ZNF467: variants seen among roughly 807,000 people sequenced by gnomAD.
The protein encoded by ZNF467 is zinc finger protein EZI.
A neutral mutation model predicts 47.8 loss-of-function variants in ZNF467; 51 were observed. The ratio of observed to expected loss-of-function variants is 1.07; its 90% CI spans 0.85 to 1.35. The LOEUF is 1.35. Among genes scored for constraint, ZNF467 ranks in the 40% most tolerant of loss-of-function variants. The pLI is 0.00. For synonymous variants in ZNF467, 416 were observed against 372.9 expected (o/e 1.12, Z -1.33); for missense variants, 992 against 858.1 (o/e 1.16, Z -1.95).
rs752954509 is a variant in ZNF467 at position 149,765,719 on chromosome 7, C to G, written c.783G>C (p.Ser261=). The G allele has an allele frequency of 1.2e-6, 2 of 1,613,396 alleles. No homozygotes were observed. The highest frequency in any genetic ancestry group is 1.7e-6 in the Non-Finnish European group (2 of 1,179,832). ...GCTCGCCGGTGTGGGTCTTTTGGTGCGAGCCCAGGTGGATCTTCTGGCTGA... is the reference window on the plus strand; with the variant it reads ...GCTCGCCGGTGTGGGTCTTTTGGTGGGAGCCCAGGTGGATCTTCTGGCTGA... The part of the protein sequence containing the change: ...KRFSQKIHLG[S]HQKTHTGERP... Residue 261 remains serine, a synonymous_variant, in exon 5 of 5, where the codon TCG becomes TCC. Coordinates refer to ENST00000302017, the MANE Select transcript of ZNF467 (RefSeq NM_207336.3).
upstream of ZNF467, chr7:149,775,967 T>C: frequency 1.7e-6 from 2 of 1,178,012 alleles, no homozygotes; most frequent in South Asian, 2.5e-5. Flanking sequence ...CTGGCCTCTC[T>C]GCCCTCTCTG....
Position 149,764,345 on chromosome 7 carries a change from A to C in ZNF467, c.*369T>G. The stretch of plus-strand genomic sequence containing the variant: ...AGTCAGGTGTTCCCTCCCCCAATTC[A>C]TTTAGCAGCCCCAGAACTTTCCGAT... On this transcript the variant is annotated 3_prime_UTR_variant, in exon 5 of 5. Transcript: ENST00000302017. The C allele has an allele frequency of 3.8e-6, 2 of 533,242 alleles. No homozygotes were observed. The highest frequency in any genetic ancestry group is 3.6e-5 in the Admixed American group (1 of 27,780). The allele number at this position is 533,242 out of a possible 1,614,324, so 33.0% of individuals were successfully genotyped here.
chr7:149,764,814 A>G lies in ZNF467; in HGVS notation c.1688T>C (p.Leu563Pro). Reference sequence around the variant, plus strand: ...CGCGTGGGCGGCTTCGCCGTGAATGAGCTGGTGCCGCACCAGGTGGGTCTT... The same window carrying G: ...CGCGTGGGCGGCTTCGCCGTGAATGGGCTGGTGCCGCACCAGGTGGGTCTT... ...SRKTHLVRHQ[L>P]IHGEAAHAAP... Residue 563 changes from leucine to proline, a missense_variant, in exon 5 of 5, where the codon CTC becomes CCC. Coordinates refer to ENST00000302017, the MANE Select transcript of ZNF467 (RefSeq NM_207336.3). The G allele has an allele frequency of 6.5e-7, 1 of 1,534,320 alleles. No homozygotes were observed. The highest frequency in any genetic ancestry group is 8.8e-7 in the Non-Finnish European group (1 of 1,141,480).
chr7:149,764,798 G>C lies in ZNF467; in HGVS notation c.1704C>G (p.Ala568=). 1.3e-6 allele frequency: 2 copies of C among 1,525,592 alleles called. No homozygotes were observed. Among genetic ancestry groups the C allele is most frequent in the African/African-American group, 1.4e-5 (1 of 71,964 alleles). The allele number at this position is 1,525,592 out of a possible 1,614,324, so 94.5% of individuals were successfully genotyped here. A position where few individuals can be genotyped will look rare whatever the true frequency, so the allele number is the denominator to read the frequency against. The change falls in exon 5 of 5, where the codon GCC becomes GCG. Residue 568 remains alanine (A), a synonymous_variant. Coordinates refer to ENST00000302017, the MANE Select transcript of ZNF467 (RefSeq NM_207336.3). ...GGGCGGCGTCCGGGGCCGCGTGGGC[G>C]GCTTCGCCGTGAATGAGCTGGTGCC... ...LVRHQLIHGE[A]AHAAPDAALA...
Position 149,764,871 on chromosome 7 carries a change from G to T in ZNF467, c.1631C>A (p.Ser544Tyr), listed in dbSNP as rs1446106431. ...GAAGCTCTTTCCGCACTGCGGGCAG[G>T]AGAAGGGGCGGGAGCCTGTGTGGAT... Reference protein sequence around the residue: ...QAIHTGSRPFSCPQCGKSFSR... With the variant: ...QAIHTGSRPFYCPQCGKSFSR... The change falls in exon 5 of 5, where the codon TCC becomes TAC. Residue 544 changes from serine (S) to tyrosine (Y), a missense_variant. Physicochemically the swap from Ser to Tyr is moderately radical, Grantham distance 144 (BLOSUM62 -2). Transcript: ENST00000302017. The T allele has an allele frequency of 3.9e-6, 6 of 1,556,910 alleles. No homozygotes were observed. The highest frequency in any genetic ancestry group is 5.2e-6 in the Non-Finnish European group (6 of 1,153,024).
rs761730803 is a variant in ZNF467 at position 149,771,047 on chromosome 7, G to C, written c.-15C>G. ...GTCTCTCTCATGGTAACCCAGAGTA[G>C]CTCCTCCTGGGGATCAGGCCACAGA... On this transcript the variant is annotated 5_prime_UTR_variant, in exon 2 of 5. Coordinates refer to ENST00000302017, the MANE Select transcript of ZNF467 (RefSeq NM_207336.3). The C allele has an allele frequency of 3.7e-6, 6 of 1,613,980 alleles. No homozygotes were observed. Among genetic ancestry groups the C allele is most frequent in the Non-Finnish European group, 5.1e-6 (6 of 1,179,934 alleles).
rs150435920 is a variant in ZNF467, at chr7:149,766,115, A to T, written c.387T>A (p.His129Gln). The change falls in exon 5 of 5, where the codon CAT becomes CAA. Residue 129 changes from histidine (H) to glutamine (Q), a missense_variant. His to Gln is a conservative substitution (Grantham distance 24). Transcript: ENST00000302017. ...GCTCCAGTTTGTACGCGGCAGCCAG[A>T]TGCCCCAGGTCAGGCGCGGGAAAGG... is the stretch of plus-strand genomic sequence containing the variant. ...PSPFPAPDLGHLAAAYKLEPG... is the reference protein window; with the variant it reads ...PSPFPAPDLGQLAAAYKLEPG... 283 of 1,608,542 alleles carry T rather than the reference A, an allele frequency of 1.8e-4. No homozygotes were observed. In the African/African-American group the frequency reaches 3.3e-3, roughly 19 times the overall value.
Position 149,765,903 on chromosome 7 carries a change from C to G in ZNF467, c.599G>C (p.Arg200Pro). 6.4e-7 allele frequency: 1 copy of G among 1,574,670 alleles called. No individual in the cohort carries two copies. Among genetic ancestry groups the G allele is most frequent in the East Asian group, 2.4e-5 (1 of 42,428 alleles). The change falls in exon 5 of 5, where the codon CGC (arginine) becomes CCC (proline). Residue 200 changes from arginine to proline, a missense_variant. Transcript: ENST00000302017. Reference protein sequence around the residue: ...CPDCGRSFTQRAHMLLHQRSH... With the variant: ...CPDCGRSFTQPAHMLLHQRSH... Reference sequence around the variant, plus strand: ...GCGCTGATGCAGTAGCATGTGGGCGCGCTGCGTGAAGCTGCGGCCGCAGTC... The same window carrying G: ...GCGCTGATGCAGTAGCATGTGGGCGGGCTGCGTGAAGCTGCGGCCGCAGTC...
At chr7:149,766,765 T>C (rs938721622) in intron 4 of ZNF467, among the ~76,000 whole-genome samples, 2 of 152,194 alleles carry the variant, frequency 1.3e-5, no homozygotes, top group Non-Finnish European at 2.9e-5. Context: ...AAACTTGATC[T>C]TTGACATCTC....
At chr7:149,770,889 C>T in intron 2 of ZNF467, 110 bp downstream of exon 2, 23 of 1,426,664 alleles carry the variant, frequency 1.6e-5, no homozygotes, top group Non-Finnish European at 2.3e-5. Flanking sequence ...CTACAGGCCC[C>T]TGGGGCCTCA....
upstream of ZNF467, chr7:149,776,176 C>CCCCCCCCCCCCCGGGTACAA: frequency 8.9e-7 from 1 of 1,122,778 alleles, no homozygotes; most frequent in Non-Finnish European, 1.2e-6. Context: ...AGACTCCGTG[C>CCCCCCCCCCCCCGGGTACAA]CCCCCACCCC....
In ZNF467 at chr7:149,765,499, A is replaced by T. The variant is rs765100411; in HGVS notation, c.1003T>A (p.Ser335Thr). Reference sequence around the variant, plus strand: ...GGGGCAGTGGAATGAGGAGAAGCGGACGAGTCGGGAGAGGGCCTGGCCGGG... The same window carrying T: ...GGGGCAGTGGAATGAGGAGAAGCGGTCGAGTCGGGAGAGGGCCTGGCCGGG... Reference protein sequence around the residue: ...AGPARPSPDSSASPHSTAPSP... With the variant: ...AGPARPSPDSTASPHSTAPSP... Residue 335 changes from serine (S) to threonine (T), a missense_variant, in exon 5 of 5, where the codon TCC becomes ACC. Physicochemically the swap from Ser to Thr is moderately conservative, Grantham distance 58. Coordinates refer to ENST00000302017, the MANE Select transcript of ZNF467 (RefSeq NM_207336.3). 2.1e-5 allele frequency: 34 copies of T among 1,582,668 alleles called. No homozygotes were observed. In the Middle Eastern group the frequency reaches 5.4e-4, roughly 25 times the overall value.
At chr7:149,766,974 G>C (rs745646544) in intron 4 of ZNF467, among the ~76,000 whole-genome samples, 63 of 152,318 alleles carry the variant, frequency 4.1e-4, no homozygotes, top group South Asian at 6.2e-4. Context: ...TGGAGAAACA[G>C]GGAAGGCCCT....
rs375263592 is a variant in ZNF467 at position 149,765,883 on chromosome 7, G to A, written c.619C>T (p.Gln207Ter). ...FTQRAHMLLH[Q>*]RSHRGERPFP... The stretch of plus-strand genomic sequence containing the variant: ...GGCCGCTCGCCGCGGTGGCTGCGCT[G>A]ATGCAGTAGCATGTGGGCGCGCTGC... The change falls in exon 5 of 5, where the codon CAG (glutamine) becomes TAG (stop). Residue 207 changes from glutamine to a stop codon, truncating the protein, a stop_gained. Coordinates refer to ENST00000302017, the MANE Select transcript of ZNF467 (RefSeq NM_207336.3). LOFTEE classifies it high-confidence loss of function. 1 of 1,591,778 alleles carries A rather than the reference G, an allele frequency of 6.3e-7. No homozygotes were observed. The highest frequency in any genetic ancestry group is 1.1e-5 in the South Asian group (1 of 88,654).
rs1799212147 is a variant in ZNF467, at chr7:149,766,131, G to A, written c.371C>T (p.Ala124Val). 6.2e-7 allele frequency: 1 copy of A among 1,604,812 alleles called. No individual in the cohort carries two copies. The highest frequency in any genetic ancestry group is 1.3e-5 in the African/African-American group (1 of 74,792). ...GGCAGCCAGATGCCCCAGGTCAGGC[G>A]CGGGAAAGGGGCTGGGAAGTAACGA... is the stretch of plus-strand genomic sequence containing the variant. ...HLSLLPSPFP[A>V]PDLGHLAAAY... The change falls in exon 5 of 5, where the codon GCG (alanine) becomes GTG (valine). Residue 124 changes from alanine (A) to valine (V), a missense_variant. Ala to Val is a moderately conservative substitution (Grantham distance 64, BLOSUM62 0). Transcript: ENST00000302017.
chr7:149,776,300 G>A, upstream of ZNF467: 1 of 1,333,754 alleles, frequency 7.5e-7, no homozygotes, highest in Non-Finnish European at 1.0e-6. Context: ...GGCTTTTGGT[G>A]ACAGAGGGAA....
In ZNF467 at chr7:149,771,082, G is replaced by A. The variant is rs1357567704; in HGVS notation, c.-42-8C>T. On this transcript the variant is annotated splice_region_variant and splice_polypyrimidine_tract_variant and intron_variant, in intron 1 of 4. Transcript: ENST00000302017. ...GGGATCAGGCCACAGAACCTATGGA[G>A]AAAAGACAGCCTTGTTCAGATTTTT... is the stretch of plus-strand genomic sequence containing the variant. The A allele has an allele frequency of 2.5e-6, 4 of 1,612,818 alleles. No homozygotes were observed. The highest frequency in any genetic ancestry group is 3.4e-6 in the Non-Finnish European group (4 of 1,179,104).
At chr7:149,770,776 T>A (rs1799377190) in intron 2 of ZNF467, among the ~76,000 whole-genome samples, 2 of 152,200 alleles carry the variant, frequency 1.3e-5, no homozygotes, top group African/African-American at 4.8e-5. Flanking sequence ...GATGTAAATA[T>A]GACTGTGCTC....
Position 149,769,422 on chromosome 7 carries a change from G to A in ZNF467, c.152-222C>T, listed in dbSNP as rs576527465. On this transcript the variant is annotated intron_variant, in intron 3 of 4. Coordinates refer to ENST00000302017, the MANE Select transcript of ZNF467 (RefSeq NM_207336.3). This position sits in a 1 kb window ranked among gnomAD's most constrained non-coding sequence, Gnocchi z 5.3. Reference sequence around the variant, plus strand: ...GCTGCTAAGGGTATGTAATGAGATGGACTACAAGGTTACAAGAGCCACCAC... The same window carrying A: ...GCTGCTAAGGGTATGTAATGAGATGAACTACAAGGTTACAAGAGCCACCAC... Among the ~76,000 whole-genome samples the A allele has an allele frequency of 1.2e-4, 19 of 152,130 alleles. 1 individual carries two copies. Among genetic ancestry groups the A allele is most frequent in the Non-Finnish European group, 2.8e-4 (19 of 68,018 alleles).
Sources: allele counts gnomAD v4.1 joint callset (sites outside exome capture counted in the v4.1 genomes callset), GRCh38; gene constraint gnomAD v4.1.1; non-coding constraint Gnocchi (gnomAD v3.1); transcripts MANE v1.5; gene names NCBI Gene and HGNC (gene_info 2026-07-23, HGNC 2026-07-21).